Variants in CEP164 observed in about 807,000 individuals in gnomAD.
CEP164 encodes centrosomal protein 164.
Under a neutral mutation model 182.7 loss-of-function variants are expected in CEP164, and 162 were observed. The observed-to-expected ratio is 0.89, with a 90% CI of 0.78 to 1.01. CEP164 has a LOEUF of 1.01. Ranked by LOEUF, CEP164 falls within the 50% of genes least tolerant of loss-of-function variation. The pLI is 0.00. For missense variants in CEP164, 1,735 were observed against 1,790.4 expected, an observed-to-expected ratio of 0.97 and a Z score of 0.56; for synonymous variants, 661 against 690.0, an observed-to-expected ratio of 0.96 and a Z score of 0.66.
chr11:117,376,220 C>A (rs1436612715), intron 11 of CEP164, among the ~76,000 whole-genome samples: 1 of 152,218 alleles, frequency 6.6e-6, no homozygotes, highest in Non-Finnish European at 1.5e-5. Context: ...ACTCTGCTTT[C>A]CCATTTTTCC....
intron 15 of CEP164, among the ~76,000 whole-genome samples, chr11:117,389,407 A>G (rs1442739183): frequency 6.6e-6 from 1 of 152,152 alleles, no homozygotes; most frequent in African/African-American, 2.4e-5. Context: ...ATGCTGTTCA[A>G]ATTCAATTAA....
Position 117,373,948 on chromosome 11 carries a change from T to G in CEP164, c.1233+117T>G, listed in dbSNP as rs546215074. On this transcript the variant is annotated intron_variant, in intron 10 of 32. Transcript: ENST00000278935. ...TATAAGTGGGAGAATTTCGAACTCA[T>G]GCTTGAGTCTTGTCTAGCTCCAGTT... is the stretch of plus-strand genomic sequence containing the variant. 130 of 774,290 alleles carry G rather than the reference T, an allele frequency of 1.7e-4. No homozygotes were observed. In the South Asian group the frequency reaches 2.0e-3, roughly 12 times the overall value. The allele number at this position is 774,290 out of a possible 1,614,324, so 48.0% of individuals were successfully genotyped here.
At chr11:117,330,830 A>G (rs1170354871) in intron 1 of CEP164, among the ~76,000 whole-genome samples, 1 of 152,220 alleles carries the variant, frequency 6.6e-6, no homozygotes, top group Non-Finnish European at 1.5e-5. Context: ...AGCACTTTAC[A>G]TGTATTGAAT....
chr11:117,400,118 G>C (rs990451461), intron 27 of CEP164, among the ~76,000 whole-genome samples: 2 of 152,230 alleles, frequency 1.3e-5, no homozygotes, highest in East Asian at 3.9e-4. Flanking sequence ...TATGGTTTTA[G>C]GTCTTACATT....
At chr11:117,329,283 A>G (rs1753594147) in intron 1 of CEP164, among the ~76,000 whole-genome samples, 1 of 152,130 alleles carries the variant, frequency 6.6e-6, no homozygotes, top group South Asian at 2.1e-4. Context: ...TCTGACCTAC[A>G]GATCTGGTCA....
chr11:117,350,591 C>T (rs2099436948), intron 4 of CEP164, among the ~76,000 whole-genome samples: 1 of 151,796 alleles, frequency 6.6e-6, no homozygotes. Context: ...TTTTTTATTT[C>T]TGCTCATTTT....
intron 11 of CEP164, among the ~76,000 whole-genome samples, chr11:117,377,331 A>G (rs529609665): frequency 6.6e-6 from 1 of 152,240 alleles, no homozygotes; most frequent in South Asian, 2.1e-4. Context: ...AGCTCAGGTG[A>G]TAATGTTTGC....
At chr11:117,347,649 G>A (rs1398919600) in intron 4 of CEP164, among the ~76,000 whole-genome samples, 1 of 151,466 alleles carries the variant, frequency 6.6e-6, no homozygotes, top group East Asian at 2.0e-4. Context: ...GGTGGAGGTT[G>A]CAGTGAGCCG....
Position 117,381,687 on chromosome 11 carries a change from C to T in CEP164, c.1410-14C>T. On this transcript the variant is annotated splice_polypyrimidine_tract_variant and intron_variant, in intron 12 of 32. Transcript: ENST00000278935. Reference sequence around the variant, plus strand: ...GGAGGGGCCTGACTCTGCTGCTCTGCCCGGCCTGACCAGGTTATCTCCTCC... The same window carrying T: ...GGAGGGGCCTGACTCTGCTGCTCTGTCCGGCCTGACCAGGTTATCTCCTCC... 2 of 1,602,550 alleles carry T rather than the reference C, an allele frequency of 1.2e-6. No homozygotes were observed. Among genetic ancestry groups the T allele is most frequent in the Admixed American group, 1.7e-5 (1 of 58,964 alleles).
At chr11:117,395,097 A>G in intron 22 of CEP164, 26 bp from the exon 23 acceptor site, 1 of 1,614,146 alleles carries the variant, frequency 6.2e-7, no homozygotes, top group Non-Finnish European at 8.5e-7. Flanking sequence ...GCAGTCAGCC[A>G]GAAAATCCTG....
At chr11:117,364,077 T>G (rs1371399168) in intron 8 of CEP164, 2 of 152,130 alleles carry the variant, frequency 1.3e-5, no homozygotes, top group Non-Finnish European at 2.9e-5. Context: ...TGTGTTTTTG[T>G]ACTTAGAAAG....
upstream of CEP164, among the ~76,000 whole-genome samples, chr11:117,325,333 C>T (rs2035389642): frequency 6.6e-6 from 1 of 152,190 alleles, no homozygotes; most frequent in African/African-American, 2.4e-5. Context: ...GATCCACCTG[C>T]CTCACCCTCC....
At chr11:117,407,902 C>T (rs777470451) in intron 27 of CEP164, 23 bp from the exon 28 acceptor site, 3 of 1,555,572 alleles carry the variant, frequency 1.9e-6, no homozygotes, top group Non-Finnish European at 2.6e-6. Context: ...GTCATTTCTC[C>T]TCTGTTTTCT....
intron 2 of CEP164, 62 bp from the exon 3 acceptor site, chr11:117,338,504 C>T: frequency 7.8e-7 from 1 of 1,284,422 alleles, no homozygotes; most frequent in Non-Finnish European, 1.1e-6. Context: ...CCAGTGCCAA[C>T]TTTTCCCCTG....
chr11:117,341,739 C>A (rs1239331461), intron 3 of CEP164, among the ~76,000 whole-genome samples: 1 of 152,048 alleles, frequency 6.6e-6, no homozygotes, highest in East Asian at 1.9e-4. Context: ...CATCACCATA[C>A]CTGGCTATAC....
chr11:117,397,147 G>A lies in CEP164; in HGVS notation c.3335G>A (p.Ser1112Asn), dbSNP rs1182752473. 6.2e-7 allele frequency: 1 copy of A among 1,614,118 alleles called. No homozygotes were observed. The highest frequency in any genetic ancestry group is 1.3e-5 in the African/African-American group (1 of 74,944). ...LLSAEGVALR[S>N]AKEFLVQQTR... Reference sequence around the variant, plus strand: ...TCTGCTGAGGGGGTAGCCCTCCGTAGTGCCAAGGAGTTCCTTGTGCAGCAG... The same window carrying A: ...TCTGCTGAGGGGGTAGCCCTCCGTAATGCCAAGGAGTTCCTTGTGCAGCAG... Residue 1112 changes from serine to asparagine, a missense_variant, in exon 27 of 33, where the codon AGT becomes AAT. By Grantham distance (46) the Ser-to-Asn change is conservative. Transcript: ENST00000278935.
upstream of CEP164, among the ~76,000 whole-genome samples, chr11:117,325,154 G>T (rs1254728383): frequency 2.6e-5 from 4 of 152,038 alleles, no homozygotes; most frequent in Non-Finnish European, 4.4e-5. Context: ...GCGTGATCTT[G>T]GCTCACTGCA....
chr11:117,333,282 T>G, intron 1 of CEP164, among the ~76,000 whole-genome samples: 1 of 151,662 alleles, frequency 6.6e-6, no homozygotes, highest in East Asian at 2.0e-4. Flanking sequence ...AAAGCCCTGT[T>G]ATTACAGGTG....
In CEP164 at chr11:117,335,609, A is replaced by G. The variant is rs536808798; in HGVS notation, c.-93A>G. ...TTTTTTTTTTTTTTCAACCAGGAGA[A>G]ATAACTTTATTTGGACTGAGAGCTG... On this transcript the variant is annotated 5_prime_UTR_variant, in exon 2 of 33. Transcript: ENST00000278935. The G allele has an allele frequency of 1.3e-5, 2 of 150,526 alleles. No homozygotes were observed. Among genetic ancestry groups the G allele is most frequent in the African/African-American group, 4.9e-5 (2 of 40,920 alleles). The allele number at this position is 150,526 out of a possible 1,614,324, so 9.3% of individuals were successfully genotyped here.
Sources: allele counts gnomAD v4.1 joint callset (sites outside exome capture counted in the v4.1 genomes callset), GRCh38; gene constraint gnomAD v4.1.1; transcripts MANE v1.5; gene names NCBI Gene and HGNC (gene_info 2026-07-23, HGNC 2026-07-21).